KIF5C: variants seen among roughly 807,000 people sequenced by gnomAD.
KIF5C encodes the protein kinesin heavy chain isoform 5C.
In KIF5C, 18 loss-of-function variants were observed where a neutral mutation model predicts 125.2. That is an observed-to-expected ratio of 0.14 (90% CI 0.10 to 0.21). The LOEUF is 0.21. Ranked by LOEUF, KIF5C falls within the 10% of genes least tolerant of loss-of-function variation. The pLI, the probability that KIF5C is intolerant of heterozygous loss-of-function variation, is 1.00. For missense variants in KIF5C, 780 were observed against 1,183.8 expected, an observed-to-expected ratio of 0.66 and a Z score of 5.01; for synonymous variants, 405 against 434.0, an observed-to-expected ratio of 0.93 and a Z score of 0.83.
At position 149,010,271 on chromosome 2, in the gene KIF5C, G is replaced by T. The variant is rs756942747; in HGVS notation, c.2687G>T (p.Arg896Leu). The T allele has an allele frequency of 3.8e-6, 6 of 1,594,836 alleles. No homozygotes were observed. The highest frequency in any genetic ancestry group is 2.3e-5 in the East Asian group (1 of 43,756). ...GAGAACGCCATGCGGGACCGTAAGC[G>T]CTACCAGCAGGAGGTGGATCGTATC... ...AKENAMRDRK[R>L]YQQEVDRIKE... The change falls in exon 24 of 26, where the codon CGC (arginine) becomes CTC (leucine). Residue 896 changes from arginine to leucine, a missense_variant. Arg to Leu is a moderately radical substitution (Grantham distance 102). Coordinates refer to ENST00000435030, the MANE Select transcript of KIF5C (RefSeq NM_004522.3).
At position 148,991,220 on chromosome 2, in the gene KIF5C, C is replaced by T. The variant is rs529621385; in HGVS notation, c.1905+22C>T. ...CCAGGTGGGCCCTTCCCTTCCCCAT[C>T]ATTGCACTCTTGTTGTCTTGAGATC... On this transcript the variant is annotated intron_variant, in intron 16 of 25. Transcript: ENST00000435030. 6.0e-5 allele frequency: 97 copies of T among 1,609,706 alleles called. No individual in the cohort carries two copies. The East Asian group carries it at 2.1e-3, about 35-fold the overall frequency.
At chr2:148,962,160 GC>G in intron 11 of KIF5C, 41 bp downstream of exon 11, 1 of 1,523,980 alleles carries the variant, frequency 6.6e-7, no homozygotes, top group Non-Finnish European at 8.8e-7. Flanking sequence ...ATGAGTGTGT[GC>G]TTTTTTTATT....
intron 1 of KIF5C, among the ~76,000 whole-genome samples, chr2:148,905,799 A>G (rs1479226796): frequency 2.0e-5 from 3 of 152,160 alleles, no homozygotes. Flanking sequence ...AAAGAGGTTT[A>G]ATGGACTTAC....
At chr2:148,984,936 A>G (rs1207267261) in intron 15 of KIF5C, among the ~76,000 whole-genome samples, 1 of 152,122 alleles carries the variant, frequency 6.6e-6, no homozygotes, top group African/African-American at 2.4e-5. Context: ...GATTACAGGC[A>G]TGTGCCACCA....
chr2:148,986,029 C>T (rs896885172), intron 15 of KIF5C, among the ~76,000 whole-genome samples: 2 of 152,034 alleles, frequency 1.3e-5, no homozygotes, highest in African/African-American at 4.8e-5. Context: ...TGGTGTTGAG[C>T]AATAAAATTC....
chr2:148,937,269 A>G lies in KIF5C; in HGVS notation c.292-15A>G. 2.5e-6 allele frequency: 4 copies of G among 1,574,108 alleles called. No homozygotes were observed. Among genetic ancestry groups the G allele is most frequent in the Non-Finnish European group, 3.5e-6 (4 of 1,158,516 alleles). ...GCATGCTTTAACTGCCCGTGTTTGTATTTTCGCCCACTAGGGGAAGCTGCA... is the reference window on the plus strand; with the variant it reads ...GCATGCTTTAACTGCCCGTGTTTGTGTTTTCGCCCACTAGGGGAAGCTGCA... On this transcript the variant is annotated splice_polypyrimidine_tract_variant and intron_variant, in intron 3 of 25. Transcript: ENST00000435030.
At chr2:148,987,184 T>C (rs1188606665) in intron 15 of KIF5C, among the ~76,000 whole-genome samples, 2 of 152,118 alleles carry the variant, frequency 1.3e-5, no homozygotes, top group Admixed American at 6.5e-5. Context: ...ATTCAACAGG[T>C]TACAGGAGGA....
chr2:148,973,310 C>G (rs768939768), intron 11 of KIF5C, 26 bp from the exon 12 acceptor site: 17 of 1,596,410 alleles, frequency 1.1e-5, no homozygotes, highest in African/African-American at 9.5e-5. Context: ...CTTTAATCCC[C>G]AACTCTGCTC....
chr2:148,897,072 A>T (rs1318393235), intron 1 of KIF5C, among the ~76,000 whole-genome samples: 1 of 152,172 alleles, frequency 6.6e-6, no homozygotes, highest in Non-Finnish European at 1.5e-5. Context: ...ACCTCAGGTG[A>T]TCTGCCCGTC....
At chr2:148,897,329 A>G (rs1574700353) in intron 1 of KIF5C, among the ~76,000 whole-genome samples, 1 of 152,158 alleles carries the variant, frequency 6.6e-6, no homozygotes, top group African/African-American at 2.4e-5. Context: ...GAACCAGCAC[A>G]TAGTAGACTA....
rs1429249862 is a variant in KIF5C, at chr2:149,023,389, G to A, written c.*319G>A. 1 of 152,664 alleles carries A rather than the reference G, an allele frequency of 6.6e-6. No individual in the cohort carries two copies. Among genetic ancestry groups the A allele is most frequent in the Admixed American group, 6.5e-5 (1 of 15,288 alleles). The allele number at this position is 152,664 out of a possible 1,614,324, so 9.5% of individuals were successfully genotyped here. A position where few individuals can be genotyped will look rare whatever the true frequency, so the allele number is the denominator to read the frequency against. On this transcript the variant is annotated 3_prime_UTR_variant, in exon 26 of 26. Coordinates refer to ENST00000435030, the MANE Select transcript of KIF5C (RefSeq NM_004522.3). ...TGGAGCCTCCTCTGGGCAGTGCACT[G>A]TCCCATCTGTACGCCCTAATGTGCC...
intron 22 of KIF5C, among the ~76,000 whole-genome samples, chr2:149,007,141 A>G (rs2105195542): frequency 6.6e-6 from 1 of 152,320 alleles, no homozygotes; most frequent in Admixed American, 6.5e-5. Flanking sequence ...CTAAGTCTCA[A>G]CAAACCCTCC....
chr2:148,973,710 A>G (rs1217149431), intron 12 of KIF5C, among the ~76,000 whole-genome samples, 199 bp downstream of exon 12: 2 of 152,216 alleles, frequency 1.3e-5, no homozygotes, highest in Non-Finnish European at 2.9e-5. Flanking sequence ...ACTTGACTGA[A>G]AAAGCAGTGT....
intron 15 of KIF5C, among the ~76,000 whole-genome samples, chr2:148,984,676 C>T (rs1443475637): frequency 1.3e-5 from 2 of 152,188 alleles, no homozygotes; most frequent in Non-Finnish European, 2.9e-5. Context: ...GATCACATGA[C>T]CACTCCACAT....
intron 1 of KIF5C, among the ~76,000 whole-genome samples, chr2:148,912,975 A>G (rs1681400639): frequency 6.6e-6 from 1 of 152,194 alleles, no homozygotes; most frequent in Non-Finnish European, 1.5e-5. Context: ...GTGCTAGTGC[A>G]CTATGTTTGA....
At chr2:148,948,935 A>G (rs1335140444) in intron 8 of KIF5C, among the ~76,000 whole-genome samples, 1 of 152,208 alleles carries the variant, frequency 6.6e-6, no homozygotes. Flanking sequence ...TTGAGAATCT[A>G]TTCTATTTGG....
In KIF5C at chr2:148,992,886, T is replaced by C. The variant is rs149557169; in HGVS notation, c.1906-1535T>C. Reference sequence around the variant, plus strand: ...TAGGTCATCTATGATACCAAAAGCATGTGTTTTGGCCAGCCTGCCTCTAAC... The same window carrying C: ...TAGGTCATCTATGATACCAAAAGCACGTGTTTTGGCCAGCCTGCCTCTAAC... On this transcript the variant is annotated intron_variant, in intron 16 of 25. Transcript: ENST00000435030. Among the ~76,000 whole-genome samples the C allele has an allele frequency of 3.6e-3, 547 of 152,292 alleles. 11 individuals are homozygous for C. The highest frequency in any genetic ancestry group is 0.03 in the Admixed American group (457 of 15,296).
chr2:148,985,414 T>A (rs1681353658), intron 15 of KIF5C, among the ~76,000 whole-genome samples: 1 of 152,212 alleles, frequency 6.6e-6, no homozygotes, highest in Non-Finnish European at 1.5e-5. Flanking sequence ...ACCGTTAAGA[T>A]AATGAATGTC....
intron 3 of KIF5C, among the ~76,000 whole-genome samples, chr2:148,934,382 C>T (rs1238671841): frequency 1.3e-5 from 2 of 151,276 alleles, no homozygotes; most frequent in Admixed American, 1.3e-4. Flanking sequence ...ATACCACACC[C>T]CCACATACAT....
Sources: gnomAD v4.1 joint callset for allele counts (sites outside exome capture counted in the v4.1 genomes callset) on GRCh38, gnomAD v4.1.1 for gene constraint, MANE v1.5 for transcripts, NCBI Gene and HGNC (gene_info 2026-07-23, HGNC 2026-07-21) for gene names.